Variants in DOP1A observed in about 807,000 individuals in gnomAD.
The protein encoded by DOP1A is DOP1 leucine zipper like protein A, also known as protein DOP1A.
In DOP1A, 90 loss-of-function variants were observed where a neutral mutation model predicts 267.6. That is an observed-to-expected ratio of 0.34 (90% CI 0.28 to 0.40). DOP1A has a LOEUF of 0.40. Among genes scored for constraint, DOP1A ranks in the 10% least tolerant of loss-of-function variants. The pLI, the probability that DOP1A is intolerant of heterozygous loss-of-function variation, is 1.00. For missense variants in DOP1A, 2,437 were observed against 2,900.4 expected, an observed-to-expected ratio of 0.84 and a Z score of 3.67; for synonymous variants, 932 against 999.1, an observed-to-expected ratio of 0.93 and a Z score of 1.27.
chr6:83,153,053 G>T (rs751838475), intron 30 of DOP1A, among the ~76,000 whole-genome samples: 1 of 152,152 alleles, frequency 6.6e-6, no homozygotes, highest in South Asian at 2.1e-4. Context: ...CCTCTTTGCA[G>T]ATGTGGATAG....
At chr6:83,089,886 C>T (rs1043122517) in intron 1 of DOP1A, among the ~76,000 whole-genome samples, 2 of 152,030 alleles carry the variant, frequency 1.3e-5, no homozygotes, top group South Asian at 2.1e-4. Context: ...TATGGGTGCA[C>T]GCACTAGTCA....
intron 1 of DOP1A, among the ~76,000 whole-genome samples, chr6:83,080,566 C>T (rs938940950): frequency 2.0e-5 from 3 of 152,178 alleles, no homozygotes; most frequent in African/African-American, 4.8e-5. Flanking sequence ...ACTGCTAATC[C>T]AGCAAGAATC....
chr6:83,146,470 T>C (rs951399362), intron 25 of DOP1A, among the ~76,000 whole-genome samples: 1 of 152,192 alleles, frequency 6.6e-6, no homozygotes, highest in Non-Finnish European at 1.5e-5. Flanking sequence ...GGGGCATTTG[T>C]CATAGGATTT....
At chr6:83,119,919 T>C (rs1050824555) in intron 9 of DOP1A, 62 bp downstream of exon 9, 8 of 1,332,128 alleles carry the variant, frequency 6.0e-6, no homozygotes, top group Non-Finnish European at 5.3e-6. Context: ...TGAAAAAGTG[T>C]AAGACGAGGT....
At chr6:83,136,459 C>T (rs888172453) in intron 20 of DOP1A, among the ~76,000 whole-genome samples, 1 of 152,080 alleles carries the variant, frequency 6.6e-6, no homozygotes, top group African/African-American at 2.4e-5. Flanking sequence ...CAAAGACTCT[C>T]ACATATGTCA....
chr6:83,167,837 C>A lies in DOP1A; in HGVS notation c.7093-25C>A, dbSNP rs756579208. 2.5e-6 allele frequency: 4 copies of A among 1,586,632 alleles called. No individual in the cohort carries two copies. In the South Asian group the frequency reaches 3.4e-5, roughly 14 times the overall value. On this transcript the variant is annotated intron_variant, in intron 38 of 38. Transcript: ENST00000349129. ...TACCACATTGTCTGTTGTATTAATA[C>A]CAGTTCACTTTTTGTTTTCTGCAGA...
chr6:83,161,428 AAAGTAT>A (rs1437959009), intron 37 of DOP1A, among the ~76,000 whole-genome samples: 1 of 152,190 alleles, frequency 6.6e-6, no homozygotes, highest in Non-Finnish European at 1.5e-5. Flanking sequence ...TATAAATTTA[AAAGTAT>A]CCATGTAACT....
At chr6:83,158,651 C>T in intron 36 of DOP1A, 29 bp downstream of exon 36, 7 of 1,517,888 alleles carry the variant, frequency 4.6e-6, no homozygotes, top group Non-Finnish European at 5.4e-6. Context: ...ATATTGTTGT[C>T]CATTTTTTAA....
chr6:83,134,577 T>C (rs780311145), intron 19 of DOP1A: 5 of 246,340 alleles, frequency 2.0e-5, no homozygotes, highest in Non-Finnish European at 3.1e-5. Flanking sequence ...ACAGCTCTCT[T>C]GAGACTATAT....
rs1562352142 is a variant in DOP1A at position 83,139,994 on chromosome 6, C to T, written c.5121-6C>T. The T allele has an allele frequency of 6.2e-7, 1 of 1,600,142 alleles. No homozygotes were observed. The highest frequency in any genetic ancestry group is 1.1e-5 in the South Asian group (1 of 90,392). On this transcript the variant is annotated splice_polypyrimidine_tract_variant and splice_region_variant and intron_variant, in intron 21 of 38. Coordinates refer to ENST00000349129, the MANE Select transcript of DOP1A (RefSeq NM_015018.4). The stretch of plus-strand genomic sequence containing the variant: ...CTTGTGTTTAAATGAATGCATTTTA[C>T]TTCAGGCCTCTGTGGATGGCATCAA...
chr6:83,136,009 T>G, intron 20 of DOP1A, 131 bp downstream of exon 20: 1 of 1,062,998 alleles, frequency 9.4e-7, no homozygotes, highest in Non-Finnish European at 1.3e-6. Context: ...CCCCTCCTCA[T>G]GCACTAGCAA....
At position 83,135,655 on chromosome 6, in the gene DOP1A, C is replaced by T. The variant is rs377295029; in HGVS notation, c.2907C>T (p.Leu969=). The part of the protein sequence containing the change: ...LFIMLDSLNS[L]DGSTSSVGQA... ...TCATGTTAGATAGCCTTAACAGTCT[C>T]GATGGTTCTACTAGCTCTGTGGGAC... Residue 969 remains leucine, a synonymous_variant, in exon 20 of 39, where the codon CTC becomes CTT. Coordinates refer to ENST00000349129, the MANE Select transcript of DOP1A (RefSeq NM_015018.4). 6 of 1,613,368 alleles carry T rather than the reference C, an allele frequency of 3.7e-6. No individual in the cohort carries two copies. The highest frequency in any genetic ancestry group is 3.3e-5 in the South Asian group (3 of 91,066).
intron 8 of DOP1A, 85 bp downstream of exon 8, chr6:83,119,072 G>A (rs1775921547): frequency 8.6e-7 from 1 of 1,167,978 alleles, no homozygotes; most frequent in South Asian, 1.3e-5. Context: ...TTGTATGTAT[G>A]TCCTGAATTT....
chr6:83,110,245 TG>T lies in DOP1A; in HGVS notation c.613del (p.Ala205ProfsTer3). 1 of 1,614,092 alleles carries T rather than the reference TG, an allele frequency of 6.2e-7. No homozygotes were observed. Among genetic ancestry groups the T allele is most frequent in the Non-Finnish European group, 8.5e-7 (1 of 1,179,992 alleles). On this transcript the variant is annotated frameshift_variant, in exon 6 of 39. Coordinates refer to ENST00000349129, the MANE Select transcript of DOP1A (RefSeq NM_015018.4). LOFTEE classifies it high-confidence loss of function. The stretch of plus-strand genomic sequence containing the variant: ...GTTTACCTGGAATCACGTATGTTCT[TG>T]CCCATTTAAACAGGAAGCTTTCTAT... ...VRLPGITYVL[A>X]HLNRKLSMED...
chr6:83,114,973 T>C (rs1398720094), intron 7 of DOP1A, among the ~76,000 whole-genome samples: 1 of 152,218 alleles, frequency 6.6e-6, no homozygotes, highest in Non-Finnish European at 1.5e-5. Context: ...GGTACCTTAG[T>C]GTTCCACTTT....
At chr6:83,074,900 G>A (rs753428904) in intron 1 of DOP1A, among the ~76,000 whole-genome samples, 5 of 152,084 alleles carry the variant, frequency 3.3e-5, no homozygotes, top group East Asian at 1.9e-4. Context: ...TTCAACTTAC[G>A]GTATTTTCAA....
chr6:83,097,523 A>G lies in DOP1A; in HGVS notation c.138+408A>G, dbSNP rs534035947. ...TCTTTCCAAATGATATATAGCAACA[A>G]GGAAACATTTTCTATCCTGGCAAGC... On this transcript the variant is annotated intron_variant, in intron 3 of 38. Transcript: ENST00000349129. Among the ~76,000 whole-genome samples the G allele has an allele frequency of 1.4e-4, 22 of 152,350 alleles. No homozygotes were observed. In the East Asian group the frequency reaches 2.1e-3, roughly 15 times the overall value.
rs1373754846 is a variant in DOP1A, at chr6:83,119,854, C to T, written c.987C>T (p.Val329=). The part of the protein sequence containing the change: ...YFTTFSKELL[V]QAMVGILQVN... The stretch of plus-strand genomic sequence containing the variant: ...CTACCTTTTCAAAAGAATTATTAGT[C>T]CAGGTAATGAATACTTTTATTATTC... The change falls in exon 9 of 39, where the codon GTC becomes GTT. Residue 329 remains valine (V), a synonymous_variant. Transcript: ENST00000349129. The T allele has an allele frequency of 1.2e-6, 2 of 1,606,188 alleles. No homozygotes were observed. Among genetic ancestry groups the T allele is most frequent in the South Asian group, 2.2e-5 (2 of 90,844 alleles).
At position 83,120,684 on chromosome 6, in the gene DOP1A, C is replaced by A; in HGVS notation, c.992C>A (p.Ala331Glu). ...TTFSKELLVQ[A>E]MVGILQVNGF... ...CCAGTGTACTTTCCTTTTTTAAAGG[C>A]AATGGTGGGAATCTTACAAGTGAAT... is the stretch of plus-strand genomic sequence containing the variant. The change falls in exon 10 of 39, where the codon GCA (alanine) becomes GAA (glutamate). Residue 331 changes from alanine (A) to glutamate (E), a missense_variant and splice_region_variant. Ala to Glu is a moderately radical substitution (Grantham distance 107). Transcript: ENST00000349129. 1 of 1,568,150 alleles carries A rather than the reference C, an allele frequency of 6.4e-7. No individual in the cohort carries two copies. Among genetic ancestry groups the A allele is most frequent in the Non-Finnish European group, 8.7e-7 (1 of 1,146,526 alleles).
Sources: allele counts gnomAD v4.1 joint callset (sites outside exome capture counted in the v4.1 genomes callset), GRCh38; gene constraint gnomAD v4.1.1; transcripts MANE v1.5; gene names NCBI Gene and HGNC (gene_info 2026-07-23, HGNC 2026-07-21).